Variants in COPB1 observed in about 807,000 individuals in gnomAD.
The protein encoded by COPB1 is coatomer subunit beta.
COPB1 carries 21 observed loss-of-function variants against 108.7 expected under a neutral mutation model. The ratio of observed to expected loss-of-function variants is 0.19; its 90% CI spans 0.14 to 0.28. The LOEUF (loss-of-function observed/expected upper bound fraction) is 0.28. COPB1 is among the 10% of genes least tolerant of loss of function. The pLI, the probability that COPB1 is intolerant of heterozygous loss-of-function variation, is 1.00. For missense variants in COPB1, 919 were observed against 1,141.3 expected, an observed-to-expected ratio of 0.81 and a Z score of 2.81; for synonymous variants, 378 against 386.8, an observed-to-expected ratio of 0.98 and a Z score of 0.27.
At chr11:14,489,403 C>A (rs1419081633) in intron 5 of COPB1, among the ~76,000 whole-genome samples, 3 of 152,202 alleles carry the variant, frequency 2.0e-5, no homozygotes, top group Non-Finnish European at 4.4e-5. Flanking sequence ...AAAGCAAAGT[C>A]TCAAACAGAT....
chr11:14,494,077 CT>C lies in COPB1; in HGVS notation c.321+132del, dbSNP rs932033751. The C allele has an allele frequency of 2.5e-5, 18 of 708,646 alleles. No homozygotes were observed. The Admixed American group carries it at 5.4e-4, about 21-fold the overall frequency. 43.9% of individuals were successfully genotyped at this position (708,646 alleles called of 1,614,324 possible). On this transcript the variant is annotated intron_variant, in intron 3 of 21. Coordinates refer to ENST00000439561, the MANE Select transcript of COPB1 (RefSeq NM_001144061.2). ...GACAATAAAACTTTTAAAAATAACT[CT>C]TTTACAATTCCAAATCTCTACAACT... is the stretch of plus-strand genomic sequence containing the variant.
intron 2 of COPB1, among the ~76,000 whole-genome samples, chr11:14,497,929 A>C (rs926869019): frequency 2.0e-5 from 3 of 152,226 alleles, no homozygotes; most frequent in African/African-American, 7.2e-5. Flanking sequence ...TGTTACATGA[A>C]ATAAGTCAGG....
At chr11:14,487,978 T>C (rs533186094) in intron 6 of COPB1, among the ~76,000 whole-genome samples, 144 of 152,370 alleles carry the variant, frequency 9.5e-4, no homozygotes, top group African/African-American at 3.4e-3. Flanking sequence ...GGATATATCA[T>C]AGTAAAGTGT....
At chr11:14,489,331 T>A (rs1850844305) in intron 5 of COPB1, among the ~76,000 whole-genome samples, 1 of 152,182 alleles carries the variant, frequency 6.6e-6, no homozygotes, top group South Asian at 2.1e-4. Context: ...CCTAAAATAA[T>A]TAAAAACAGA....
In COPB1 at chr11:14,469,457, A is replaced by C; in HGVS notation, c.1844T>G (p.Leu615Arg). The change falls in exon 15 of 22, where the codon CTG becomes CGG. Residue 615 changes from leucine (L) to arginine (R), a missense_variant. Leu to Arg is a moderately radical substitution (Grantham distance 102). Coordinates refer to ENST00000439561, the MANE Select transcript of COPB1 (RefSeq NM_001144061.2). The part of the protein sequence containing the change: ...ITDDDVDRIS[L>R]CLKVLSECSP... ...ACATTCAGACAAGACCTTGAGGCACAGGGAAATTCGATCCACATCATCATC... is the reference window on the plus strand; with the variant it reads ...ACATTCAGACAAGACCTTGAGGCACCGGGAAATTCGATCCACATCATCATC... 3 of 1,614,230 alleles carry C rather than the reference A, an allele frequency of 1.9e-6. No individual in the cohort carries two copies. The highest frequency in any genetic ancestry group is 2.5e-6 in the Non-Finnish European group (3 of 1,180,022).
At position 14,481,104 on chromosome 11, in the gene COPB1, A is replaced by G. The variant is rs1216120470; in HGVS notation, c.958-7T>C. On this transcript the variant is annotated splice_region_variant and splice_polypyrimidine_tract_variant and intron_variant, in intron 8 of 21. Coordinates refer to ENST00000439561, the MANE Select transcript of COPB1 (RefSeq NM_001144061.2). Reference sequence around the variant, plus strand: ...GGATATCCATAACCAGATCCTAAAAAAGAAGAAAAAATCAAGAATTAACAC... The same window carrying G: ...GGATATCCATAACCAGATCCTAAAAGAGAAGAAAAAATCAAGAATTAACAC... The G allele has an allele frequency of 6.3e-7, 1 of 1,596,190 alleles. No individual in the cohort carries two copies. The highest frequency in any genetic ancestry group is 1.4e-5 in the African/African-American group (1 of 74,066).
chr11:14,465,179 G>T (rs571816708), intron 17 of COPB1, 149 bp from the exon 18 acceptor site: 6 of 1,123,034 alleles, frequency 5.3e-6, no homozygotes, highest in Non-Finnish European at 7.1e-6. Context: ...ACGAATATGA[G>T]AAGAGTATGA....
chr11:14,485,801 T>C (rs542026281), intron 7 of COPB1, among the ~76,000 whole-genome samples: 16 of 152,220 alleles, frequency 1.1e-4, no homozygotes, highest in Admixed American at 8.5e-4. Flanking sequence ...TGAGCCAAGA[T>C]TGCCTCACTC....
chr11:14,463,246 T>C (rs1420273696), intron 18 of COPB1, among the ~76,000 whole-genome samples: 3 of 152,220 alleles, frequency 2.0e-5, no homozygotes, highest in African/African-American at 7.2e-5. Flanking sequence ...CTTTTTAGTC[T>C]GTATGCCCTC....
intron 19 of COPB1, among the ~76,000 whole-genome samples, chr11:14,460,555 T>TC (rs1850122973): frequency 3.3e-5 from 5 of 152,004 alleles, no homozygotes; most frequent in Admixed American, 3.3e-4. Flanking sequence ...TCTCACTCTG[T>TC]CACCCAGGCT....
chr11:14,470,555 C>T (rs1850377050), intron 14 of COPB1, among the ~76,000 whole-genome samples: 1 of 152,198 alleles, frequency 6.6e-6, no homozygotes, highest in African/African-American at 2.4e-5. Context: ...TATCCTGACA[C>T]ATATGCTCTA....
chr11:14,469,260 G>A (rs758817300), intron 15 of COPB1, 76 bp downstream of exon 15: 732 of 1,228,708 alleles, frequency 6.0e-4, no homozygotes, highest in Non-Finnish European at 8.3e-4. Context: ...GCCTCCCAAA[G>A]TGCTGGGATT....
chr11:14,497,681 G>A (rs939506147), intron 2 of COPB1, among the ~76,000 whole-genome samples: 7 of 152,124 alleles, frequency 4.6e-5, no homozygotes, highest in East Asian at 1.9e-4. Context: ...TCAGCAATCC[G>A]ACTACTGGGT....
At chr11:14,482,784 C>T (rs933869931) in intron 8 of COPB1, among the ~76,000 whole-genome samples, 1 of 152,252 alleles carries the variant, frequency 6.6e-6, no homozygotes, top group Non-Finnish European at 1.5e-5. Flanking sequence ...GATGTGCCCG[C>T]CTCTGCCTCC....
chr11:14,479,126 G>C (rs1361244429), intron 11 of COPB1, among the ~76,000 whole-genome samples: 1 of 152,012 alleles, frequency 6.6e-6, no homozygotes, highest in Non-Finnish European at 1.5e-5. Flanking sequence ...GTCTGTTAGA[G>C]ACTATCCATC....
chr11:14,486,017 T>C lies in COPB1; in HGVS notation c.837+350A>G, dbSNP rs150978176. 1.8e-3 allele frequency among the ~76,000 whole-genome samples: 270 copies of C among 151,960 alleles called. 1 individual carries two copies. Among genetic ancestry groups the C allele is most frequent in the African/African-American group, 6.2e-3 (255 of 41,428 alleles). ...TCATCCCCAACCTCTTTACACTGAG[T>C]AGGCTGAGGAGGAGGAGGAGGAAGA... On this transcript the variant is annotated intron_variant, in intron 7 of 21. Coordinates refer to ENST00000439561, the MANE Select transcript of COPB1 (RefSeq NM_001144061.2).
intron 17 of COPB1, 113 bp from the exon 18 acceptor site, chr11:14,465,143 T>G: frequency 7.6e-7 from 1 of 1,323,080 alleles, no homozygotes; most frequent in Non-Finnish European, 9.9e-7. Context: ...TGCAGCTTAA[T>G]AGTTTCTAGG....
At chr11:14,466,245 T>A in intron 17 of COPB1, 37 bp downstream of exon 17, 3 of 1,602,344 alleles carry the variant, frequency 1.9e-6, no homozygotes, top group Non-Finnish European at 2.6e-6. Flanking sequence ...AGATCTACTA[T>A]GTGACAATCT....
chr11:14,477,363 C>T (rs556066824), intron 11 of COPB1, among the ~76,000 whole-genome samples: 3 of 110,844 alleles, frequency 2.7e-5, no homozygotes, highest in African/African-American at 7.0e-5. Flanking sequence ...GCACTCCAGG[C>T]TGGGTGACAG....
Sources: gnomAD v4.1 joint callset for allele counts (sites outside exome capture counted in the v4.1 genomes callset) on GRCh38, gnomAD v4.1.1 for gene constraint, MANE v1.5 for transcripts, NCBI Gene and HGNC (gene_info 2026-07-23, HGNC 2026-07-21) for gene names.